Variants in RPS3 observed in about 807,000 individuals in gnomAD.
RPS3 encodes the protein ribosomal protein S3.
Under a neutral mutation model 25.8 loss-of-function variants are expected in RPS3, and 2 were observed. That is an observed-to-expected ratio of 0.08 (90% CI 0.03 to 0.24). The LOEUF (loss-of-function observed/expected upper bound fraction) is 0.24. RPS3 is among the 10% of genes least tolerant of loss of function. The pLI is 1.00. For synonymous variants in RPS3, 114 were observed against 114.2 expected (o/e 1.00, Z 0.01); for missense variants, 107 against 307.1 (o/e 0.35, Z 4.87).
rs72030839 is a variant in RPS3, at chr11:75,416,458, C to CTTTTTTT, written c.*4-5268_*4-5267insTTTTTTT. Among the ~76,000 whole-genome samples the CTTTTTTT allele has an allele frequency of 4.0e-5, 5 of 125,994 alleles. 1 individual carries two copies. The highest frequency in any genetic ancestry group is 3.2e-5 in the Non-Finnish European group (2 of 63,284). 82.7% of individuals were successfully genotyped at this position (125,994 alleles called of 152,430 possible). A position where few individuals can be genotyped will look rare whatever the true frequency, so the allele number is the denominator to read the frequency against. Reference sequence around the variant, plus strand: ...GTTCCATTTTCCATCTTGATTATTTCTATTTTTTTTTTTTTTTTTTGAGAC... The same window carrying CTTTTTTT: ...GTTCCATTTTCCATCTTGATTATTTCTTTTTTTTATTTTTTTTTTTTTTTTTTGAGAC... On this transcript the variant is annotated intron_variant, in intron 6 of 6. Transcript: ENST00000527446.
At chr11:75,411,412 C>T (rs892895442), downstream of RPS3, among the ~76,000 whole-genome samples, 20 of 151,320 alleles carry the variant, frequency 1.3e-4, no homozygotes, top group African/African-American at 3.9e-4. Flanking sequence ...ATTTTTGAGA[C>T]GGAGTCTCGC....
Position 75,404,436 on chromosome 11 carries a change from G to C in RPS3, c.538+229G>C, listed in dbSNP as rs553169597. The C allele has an allele frequency of 2.5e-6, 2 of 785,612 alleles. No homozygotes were observed. Among genetic ancestry groups the C allele is most frequent in the Non-Finnish European group, 4.6e-6 (2 of 432,030 alleles). The allele number at this position is 785,612 out of a possible 1,614,324, so 48.7% of individuals were successfully genotyped here. ...TCTGTGTACCCTTCAGTGATGACAC[G>C]ATGACGAGTCAGAAAGGTCACGTCC... On this transcript the variant is annotated intron_variant, in intron 5 of 6. Transcript: ENST00000531188. The surrounding 1 kb of genome is among the most constrained non-coding windows in gnomAD (Gnocchi z 4.6).
chr11:75,416,159 C>G lies in RPS3; in HGVS notation c.*4-5568C>G, dbSNP rs558584241. On this transcript the variant is annotated intron_variant, in intron 6 of 6. Transcript: ENST00000527446. ...CACATCAGTTACCTCCCTGTTCCTC[C>G]CTTTGGTCATCTGCATGTAGAGTGC... Among the ~76,000 whole-genome samples, 5 of 152,318 alleles carry G rather than the reference C, an allele frequency of 3.3e-5. No individual in the cohort carries two copies. The South Asian group carries it at 1.0e-3, about 32-fold the overall frequency.
downstream of RPS3, among the ~76,000 whole-genome samples, chr11:75,407,660 C>T (rs1006133830): frequency 6.6e-6 from 1 of 151,762 alleles, no homozygotes; most frequent in Non-Finnish European, 1.5e-5. Context: ...TTAGTAGAGA[C>T]GGGGTTTCAC....
At chr11:75,400,138 C>T (rs902380726) in intron 1 of RPS3, among the ~76,000 whole-genome samples, 4 of 152,330 alleles carry the variant, frequency 2.6e-5, no homozygotes, top group African/African-American at 7.2e-5. Context: ...CGTATATACA[C>T]TTCGATGTCA....
downstream of RPS3, among the ~76,000 whole-genome samples, chr11:75,409,540 T>C (rs375911760): frequency 6.9e-5 from 9 of 131,154 alleles, no homozygotes; most frequent in Non-Finnish European, 1.3e-4. Context: ...GGCAGAAGAA[T>C]TTTTCTTAGT....
At chr11:75,419,982 T>C (rs983436218) in intron 6 of RPS3, among the ~76,000 whole-genome samples, 7 of 152,216 alleles carry the variant, frequency 4.6e-5, no homozygotes, top group African/African-American at 9.7e-5. Context: ...TCCTTACAAA[T>C]AGAACTGCTC....
chr11:75,419,435 T>TC (rs1354028706), intron 6 of RPS3, among the ~76,000 whole-genome samples: 1 of 151,720 alleles, frequency 6.6e-6, no homozygotes, highest in African/African-American at 2.4e-5. Flanking sequence ...ACACCTGTAA[T>TC]CCCAGCTACG....
chr11:75,401,270 G>A (rs193104913), intron 2 of RPS3, among the ~76,000 whole-genome samples: 7 of 152,288 alleles, frequency 4.6e-5, no homozygotes, highest in Non-Finnish European at 8.8e-5. Context: ...TAGATTTTAA[G>A]GCCAGGCGTA....
rs1215675959 is a variant in RPS3 at position 75,406,417 on chromosome 11, C to G, written c.*807C>G. On this transcript the variant is annotated 3_prime_UTR_variant, in exon 7 of 7. Transcript: ENST00000531188. ...TCACAGAGGGGACTTCCAGGGAAAG[C>G]TGTTATCAGGTGGCTGCTTCCTGGT... The G allele has an allele frequency of 6.6e-6, 1 of 152,194 alleles. No individual in the cohort carries two copies. The highest frequency in any genetic ancestry group is 1.5e-5 in the Non-Finnish European group (1 of 68,044). The allele number at this position is 152,194 out of a possible 1,614,324, so 9.4% of individuals were successfully genotyped here. A position where few individuals can be genotyped will look rare whatever the true frequency, so the allele number is the denominator to read the frequency against.
Position 75,399,582 on chromosome 11 carries a change from G to A in RPS3, c.30+5G>A, listed in dbSNP as rs1232548308. On this transcript the variant is annotated splice_donor_5th_base_variant and intron_variant, in intron 1 of 6. Coordinates refer to ENST00000531188, the MANE Select transcript of RPS3 (RefSeq NM_001005.5). ...CAAATATCCAAGAAGAGGAAGGTGA[G>A]CCTCTGGGGACTGGGTTCGGAGAAC... 6 of 1,612,966 alleles carry A rather than the reference G, an allele frequency of 3.7e-6. No homozygotes were observed. Among genetic ancestry groups the A allele is most frequent in the African/African-American group, 2.7e-5 (2 of 74,922 alleles).
intron 2 of RPS3, among the ~76,000 whole-genome samples, chr11:75,401,132 T>A (rs953119741): frequency 1.6e-4 from 25 of 152,170 alleles, no homozygotes; most frequent in South Asian, 4.1e-4. Context: ...TCCGCCTGCC[T>A]CAGCCTCCCA....
chr11:75,421,283 A>AGAT (rs1948442678), intron 6 of RPS3, among the ~76,000 whole-genome samples: 2 of 152,252 alleles, frequency 1.3e-5, no homozygotes, highest in South Asian at 4.1e-4. Flanking sequence ...GGGCTTTGGA[A>AGAT]GATGGGGTGG....
At chr11:75,411,098 G>A (rs1166491656), downstream of RPS3, among the ~76,000 whole-genome samples, 2 of 151,994 alleles carry the variant, frequency 1.3e-5, no homozygotes, top group African/African-American at 4.8e-5. Flanking sequence ...GGATGGTCTC[G>A]ATCTCTTGAC....
At chr11:75,416,436 C>CCAT (rs35561391) in intron 6 of RPS3, among the ~76,000 whole-genome samples, 10,041 of 149,106 alleles carry the variant, frequency 0.067, 459 homozygotes, top group South Asian at 0.21. Flanking sequence ...GTGCCTTGTT[C>CCAT]CATTTTCCAT....
At chr11:75,409,218 G>T (rs1037542883), downstream of RPS3, among the ~76,000 whole-genome samples, 2 of 144,830 alleles carry the variant, frequency 1.4e-5, no homozygotes, top group African/African-American at 5.1e-5. Flanking sequence ...GATCATTCTT[G>T]GGTGTTTCTC....
chr11:75,404,390 G>T lies in RPS3; in HGVS notation c.538+183G>T. 1.2e-6 allele frequency: 1 copy of T among 800,436 alleles called. No homozygotes were observed. Among genetic ancestry groups the T allele is most frequent in the Non-Finnish European group, 2.2e-6 (1 of 453,502 alleles). 49.6% of individuals were successfully genotyped at this position (800,436 alleles called of 1,614,324 possible). A position where few individuals can be genotyped will look rare whatever the true frequency, so the allele number is the denominator to read the frequency against. ...CTGAGATCTGTCAGATCCAAGAGTT[G>T]GTTTGTCCTTGTTTTAGCCATCTGT... On this transcript the variant is annotated intron_variant, in intron 5 of 6. Transcript: ENST00000531188. The surrounding 1 kb of genome is among the most constrained non-coding windows in gnomAD (Gnocchi z 4.6).
chr11:75,420,895 A>C (rs1948437970), intron 6 of RPS3, among the ~76,000 whole-genome samples: 2 of 152,096 alleles, frequency 1.3e-5, no homozygotes, highest in Non-Finnish European at 2.9e-5. Flanking sequence ...GGGCACGTGC[A>C]CGAAAGCGCA....
chr11:75,415,570 G>T (rs912324331), intron 6 of RPS3, among the ~76,000 whole-genome samples: 4 of 152,162 alleles, frequency 2.6e-5, no homozygotes, highest in African/African-American at 9.7e-5. Flanking sequence ...CATGTTGGGA[G>T]GCCAAGGTGG....
Sources: allele counts gnomAD v4.1 joint callset (sites outside exome capture counted in the v4.1 genomes callset), GRCh38; gene constraint gnomAD v4.1.1; non-coding constraint Gnocchi (gnomAD v3.1); transcripts MANE v1.5; gene names NCBI Gene and HGNC (gene_info 2026-07-23, HGNC 2026-07-21).